CACNG3: variants seen among roughly 807,000 people sequenced by gnomAD.
The protein encoded by CACNG3 is voltage-dependent calcium channel gamma-3 subunit.
CACNG3 carries 3 observed loss-of-function variants against 28.5 expected under a neutral mutation model. The observed-to-expected ratio is 0.11, with a 90% CI of 0.05 to 0.27. The LOEUF is 0.27. Among genes scored for constraint, CACNG3 ranks in the 10% least tolerant of loss-of-function variants. CACNG3 has a pLI of 1.00. For synonymous variants in CACNG3, 174 were observed against 162.2 expected, an observed-to-expected ratio of 1.07 and a Z score of -0.55; for missense variants, 236 against 414.4, an observed-to-expected ratio of 0.57 and a Z score of 3.74.
chr16:24,259,611 C>T (rs765757856), intron 1 of CACNG3, among the ~76,000 whole-genome samples: 17 of 151,984 alleles, frequency 1.1e-4, no homozygotes, highest in Non-Finnish European at 2.2e-4. Context: ...ATTATTTTAT[C>T]CAAAAGAAGA....
At chr16:24,342,328 A>G (rs1899802113) in intron 1 of CACNG3, among the ~76,000 whole-genome samples, 1 of 152,210 alleles carries the variant, frequency 6.6e-6, no homozygotes, top group East Asian at 1.9e-4. Context: ...TTAAAAATAA[A>G]ATGTGCAAAA....
intron 1 of CACNG3, among the ~76,000 whole-genome samples, chr16:24,281,079 C>T (rs1407264988): frequency 1.3e-5 from 2 of 152,166 alleles, no homozygotes; most frequent in African/African-American, 4.8e-5. Context: ...CTGTATCTCT[C>T]ACCATTGTTT....
chr16:24,279,081 T>C (rs1172650617), intron 1 of CACNG3, among the ~76,000 whole-genome samples: 1 of 151,434 alleles, frequency 6.6e-6, no homozygotes, highest in Non-Finnish European at 1.5e-5. Flanking sequence ...GTGGGCTGAG[T>C]GGGGAGAATG....
chr16:24,306,413 C>G (rs1899186413), intron 1 of CACNG3, among the ~76,000 whole-genome samples: 1 of 152,206 alleles, frequency 6.6e-6, no homozygotes, highest in Non-Finnish European at 1.5e-5. Context: ...TATGGGGTAA[C>G]AAAGCAGAGA....
intron 1 of CACNG3, among the ~76,000 whole-genome samples, chr16:24,293,633 T>A (rs771177612): frequency 6.6e-6 from 1 of 152,100 alleles, no homozygotes; most frequent in Non-Finnish European, 1.5e-5. Context: ...AGCACATCAC[T>A]TGCACACTTC....
intron 1 of CACNG3, among the ~76,000 whole-genome samples, chr16:24,262,438 G>A (rs549656968): frequency 2.6e-5 from 4 of 152,190 alleles, no homozygotes; most frequent in South Asian, 2.1e-4. Flanking sequence ...TGTCCATAGC[G>A]CCATACTGGT....
At chr16:24,345,370 A>G (rs938602253) in intron 1 of CACNG3, among the ~76,000 whole-genome samples, 9 of 152,180 alleles carry the variant, frequency 5.9e-5, no homozygotes, top group Admixed American at 3.3e-4. Flanking sequence ...AGACTGGTTA[A>G]CTGTCTAGTT....
At chr16:24,265,590 G>A (rs1250172673) in intron 1 of CACNG3, among the ~76,000 whole-genome samples, 1 of 152,130 alleles carries the variant, frequency 6.6e-6, no homozygotes, top group Non-Finnish European at 1.5e-5. Context: ...CTCAGGGTTT[G>A]ACAAACTACA....
intron 2 of CACNG3, among the ~76,000 whole-genome samples, chr16:24,351,175 G>A (rs1028755939): frequency 5.3e-5 from 8 of 152,200 alleles, no homozygotes; most frequent in African/African-American, 1.7e-4. Flanking sequence ...GGGCAAGGAA[G>A]AGGATTTGGC....
chr16:24,295,476 G>A (rs1025903497), intron 1 of CACNG3, among the ~76,000 whole-genome samples: 14 of 152,092 alleles, frequency 9.2e-5, no homozygotes, highest in South Asian at 2.1e-4. Context: ...ACAATCAATC[G>A]TTATTGAGTG....
At chr16:24,260,429 AG>A (rs1435377126) in intron 1 of CACNG3, among the ~76,000 whole-genome samples, 1 of 152,198 alleles carries the variant, frequency 6.6e-6, no homozygotes, top group African/African-American at 2.4e-5. Flanking sequence ...TCAGTTGTGT[AG>A]GTACTATTAT....
chr16:24,358,592 T>A lies in CACNG3; in HGVS notation c.437-2760T>A, dbSNP rs73556442. ...TATGAATCAGACTCTGGGCTGGGAGTTACGGCCATAGCAATGAAGGAGATA... is the reference window on the plus strand; with the variant it reads ...TATGAATCAGACTCTGGGCTGGGAGATACGGCCATAGCAATGAAGGAGATA... On this transcript the variant is annotated intron_variant, in intron 3 of 3. Coordinates refer to ENST00000005284, the MANE Select transcript of CACNG3 (RefSeq NM_006539.4). Among the ~76,000 whole-genome samples, 1,198 of 152,208 alleles carry A rather than the reference T, an allele frequency of 7.9e-3. 13 individuals are homozygous for A. The highest frequency in any genetic ancestry group is 0.027 in the African/African-American group (1,130 of 41,536).
At chr16:24,306,182 G>A (rs1899183192) in intron 1 of CACNG3, among the ~76,000 whole-genome samples, 1 of 152,176 alleles carries the variant, frequency 6.6e-6, no homozygotes, top group African/African-American at 2.4e-5. Flanking sequence ...ACACCAGTGG[G>A]CTTTTCTTGG....
intron 1 of CACNG3, among the ~76,000 whole-genome samples, chr16:24,304,851 C>T (rs1170459546): frequency 7.9e-5 from 12 of 152,108 alleles, no homozygotes; most frequent in Non-Finnish European, 1.0e-4. Context: ...CATGAGCCAC[C>T]GCGCCCAGCA....
chr16:24,336,901 A>G (rs1899719982), intron 1 of CACNG3, among the ~76,000 whole-genome samples: 1 of 151,998 alleles, frequency 6.6e-6, no homozygotes, highest in Non-Finnish European at 1.5e-5. Context: ...TGCAGCCTCA[A>G]TCTCCCAGAC....
Position 24,257,368 on chromosome 16 carries a change from GGA to G in CACNG3, c.211+462_211+463del, listed in dbSNP as rs71154293. Among the ~76,000 whole-genome samples the G allele has an allele frequency of 9.0e-3, 478 of 52,820 alleles. 4 individuals are homozygous for G. The highest frequency in any genetic ancestry group is 0.021 in the Middle Eastern group (2 of 96). The allele number at this position is 52,820 out of a possible 152,430, so 34.7% of individuals were successfully genotyped here. A position where few individuals can be genotyped will look rare whatever the true frequency, so the allele number is the denominator to read the frequency against. On this transcript the variant is annotated intron_variant, in intron 1 of 3. Transcript: ENST00000005284. The stretch of plus-strand genomic sequence containing the variant: ...GGGACAAGAGGAAAGAAGTGAGGGG[GGA>G]GAGAGAGAGAGAGAGAGAGAGAGAG...
At position 24,361,868 on chromosome 16, in the gene CACNG3, A is replaced by G; in HGVS notation, c.*5A>G. 1 of 1,593,454 alleles carries G rather than the reference A, an allele frequency of 6.3e-7. No homozygotes were observed. Among genetic ancestry groups the G allele is most frequent in the Non-Finnish European group, 8.5e-7 (1 of 1,173,142 alleles). Reference sequence around the variant, plus strand: ...AGGCGCACCACGCCCGTCTGAACTGACCTCTGACCTCTGCCCCACGCCCAG... The same window carrying G: ...AGGCGCACCACGCCCGTCTGAACTGGCCTCTGACCTCTGCCCCACGCCCAG... On this transcript the variant is annotated 3_prime_UTR_variant, in exon 4 of 4. Coordinates refer to ENST00000005284, the MANE Select transcript of CACNG3 (RefSeq NM_006539.4). The surrounding 1 kb of genome is among the most constrained non-coding windows in gnomAD (Gnocchi z 6.8).
At chr16:24,316,832 GA>G (rs1218687850) in intron 1 of CACNG3, among the ~76,000 whole-genome samples, 4 of 152,242 alleles carry the variant, frequency 2.6e-5, no homozygotes, top group Non-Finnish European at 2.9e-5. Context: ...AGACCTGGTG[GA>G]AATTCCAAAC....
intron 3 of CACNG3, among the ~76,000 whole-genome samples, chr16:24,356,520 T>C (rs1234249900): frequency 2.6e-5 from 4 of 152,000 alleles, no homozygotes; most frequent in African/African-American, 7.3e-5. Context: ...CTAGGCAACA[T>C]TGCAAGACCC....
Sources: allele counts gnomAD v4.1 joint callset (sites outside exome capture counted in the v4.1 genomes callset), GRCh38; gene constraint gnomAD v4.1.1; non-coding constraint Gnocchi (gnomAD v3.1); transcripts MANE v1.5; gene names NCBI Gene and HGNC (gene_info 2026-07-23, HGNC 2026-07-21).